Variants in CNTNAP5 observed in about 807,000 individuals in gnomAD.
CNTNAP5 encodes contactin associated protein family member 5.
Under a neutral mutation model 150.2 loss-of-function variants are expected in CNTNAP5, and 72 were observed. That is an observed-to-expected ratio of 0.48 (90% CI 0.40 to 0.58). CNTNAP5 has a LOEUF of 0.58. Ranked by LOEUF, CNTNAP5 falls within the 20% of genes least tolerant of loss-of-function variation. The pLI, the probability that CNTNAP5 is intolerant of heterozygous loss-of-function variation, is 0.00. For synonymous variants in CNTNAP5, 672 were observed against 619.8 expected, an observed-to-expected ratio of 1.08 and a Z score of -1.25; for missense variants, 1,636 against 1,626.2, an observed-to-expected ratio of 1.01 and a Z score of -0.10.
chr2:124,611,699 A>G (rs1038448084), intron 12 of CNTNAP5, among the ~76,000 whole-genome samples: 2 of 152,204 alleles, frequency 1.3e-5, no homozygotes, highest in African/African-American at 4.8e-5. Flanking sequence ...TCTGATGCAA[A>G]TTGTCCCTGT....
intron 11 of CNTNAP5, among the ~76,000 whole-genome samples, chr2:124,568,583 A>G (rs11892163): frequency 0.56 from 84,415 of 152,066 alleles, 24,526 homozygotes; most frequent in Non-Finnish European, 0.62. Context: ...AATAACTCCA[A>G]ATTATTTTAA....
chr2:124,757,045 A>G lies in CNTNAP5; in HGVS notation c.2235-6627A>G, dbSNP rs1051427850. On this transcript the variant is annotated intron_variant, in intron 14 of 23. Transcript: ENST00000682447. ...ATGCCAGCACAAATTTCATTCAACC[A>G]CCAAACTTCGAGTGGAGTAAGGAAA... is the stretch of plus-strand genomic sequence containing the variant. Among the ~76,000 whole-genome samples, 6 of 152,338 alleles carry G rather than the reference A, an allele frequency of 3.9e-5. No homozygotes were observed. The South Asian group carries it at 6.2e-4, about 16-fold the overall frequency.
At chr2:124,382,739 A>G (rs927626140) in intron 3 of CNTNAP5, among the ~76,000 whole-genome samples, 3 of 152,122 alleles carry the variant, frequency 2.0e-5, no homozygotes, top group Non-Finnish European at 4.4e-5. Flanking sequence ...AGGCACTTAA[A>G]ATATTTTCCT....
intron 3 of CNTNAP5, among the ~76,000 whole-genome samples, chr2:124,372,046 C>G (rs938442548): frequency 6.6e-6 from 1 of 152,098 alleles, no homozygotes; most frequent in East Asian, 1.9e-4. Context: ...CACCCTAAAC[C>G]TGGATGGGCA....
At chr2:124,179,692 A>G (rs1196224436) in intron 1 of CNTNAP5, among the ~76,000 whole-genome samples, 1 of 152,220 alleles carries the variant, frequency 6.6e-6, no homozygotes, top group Non-Finnish European at 1.5e-5. Context: ...TGCAAGTTGC[A>G]CGGCATGGAA....
intron 13 of CNTNAP5, among the ~76,000 whole-genome samples, chr2:124,693,814 AAAC>A (rs1286680385): frequency 2.7e-5 from 4 of 150,586 alleles, no homozygotes; most frequent in African/African-American, 9.8e-5. Flanking sequence ...ACAAAAGAAA[AAAC>A]AAAAGAAAGC....
intron 18 of CNTNAP5, 89 bp from the exon 19 acceptor site, chr2:124,798,007 G>A (rs1220371607): frequency 3.3e-6 from 3 of 901,494 alleles, no homozygotes; most frequent in Non-Finnish European, 5.3e-6. Context: ...ACAGTGCCCA[G>A]TGCATAGGAA....
intron 12 of CNTNAP5, among the ~76,000 whole-genome samples, chr2:124,625,306 T>C (rs931571077): frequency 6.6e-6 from 1 of 152,172 alleles, no homozygotes; most frequent in African/African-American, 2.4e-5. Flanking sequence ...CTGAGTATCA[T>C]ATGGAAATTA....
chr2:124,597,126 C>T (rs1197209764), intron 11 of CNTNAP5, among the ~76,000 whole-genome samples: 1 of 150,122 alleles, frequency 6.7e-6, no homozygotes, highest in Non-Finnish European at 1.5e-5. Flanking sequence ...TTAATTGGAG[C>T]ATTTAGTCCA....
At chr2:124,178,312 G>T (rs143141671) in intron 1 of CNTNAP5, among the ~76,000 whole-genome samples, 40 of 152,238 alleles carry the variant, frequency 2.6e-4, no homozygotes, top group African/African-American at 9.1e-4. Flanking sequence ...CATCCGCTAG[G>T]CTATAAAATC....
At chr2:124,194,867 A>G (rs903175833) in intron 1 of CNTNAP5, among the ~76,000 whole-genome samples, 1 of 151,970 alleles carries the variant, frequency 6.6e-6, no homozygotes, top group African/African-American at 2.4e-5. Context: ...TATTGGACAC[A>G]ATGGTAAAAA....
At chr2:124,332,588 G>T (rs1012496880) in intron 3 of CNTNAP5, among the ~76,000 whole-genome samples, 1 of 151,394 alleles carries the variant, frequency 6.6e-6, no homozygotes, top group African/African-American at 2.4e-5. Flanking sequence ...ATCTTACTTG[G>T]AAATGACCTA....
At chr2:124,771,836 C>G (rs992341738) in intron 16 of CNTNAP5, among the ~76,000 whole-genome samples, 1 of 151,004 alleles carries the variant, frequency 6.6e-6, no homozygotes, top group Non-Finnish European at 1.5e-5. Context: ...GCCACCACCA[C>G]TATCAACACC....
chr2:124,829,871 T>C (rs78484148), intron 19 of CNTNAP5, among the ~76,000 whole-genome samples: 2,314 of 151,978 alleles, frequency 0.015, 49 homozygotes, highest in African/African-American at 0.054. Context: ...TATACTAAGA[T>C]AATTAGAATC....
At chr2:124,751,373 A>T (rs1680724850) in intron 14 of CNTNAP5, among the ~76,000 whole-genome samples, 1 of 152,226 alleles carries the variant, frequency 6.6e-6, no homozygotes, top group South Asian at 2.1e-4. Flanking sequence ...GGTCAAATTC[A>T]GGTTATGAAG....
intron 1 of CNTNAP5, among the ~76,000 whole-genome samples, chr2:124,179,646 T>C (rs1475082621): frequency 6.6e-6 from 1 of 152,208 alleles, no homozygotes; most frequent in Non-Finnish European, 1.5e-5. Context: ...TCATTCAAGA[T>C]GAAAATGCTT....
chr2:124,172,471 G>A (rs948005152), intron 1 of CNTNAP5, among the ~76,000 whole-genome samples: 2 of 151,892 alleles, frequency 1.3e-5, no homozygotes, highest in African/African-American at 4.8e-5. Flanking sequence ...AGAATGCATT[G>A]GCCGAGTCTG....
At chr2:124,489,664 A>AT (rs1445317151) in intron 7 of CNTNAP5, among the ~76,000 whole-genome samples, 1 of 152,068 alleles carries the variant, frequency 6.6e-6, no homozygotes, top group Non-Finnish European at 1.5e-5. Context: ...AAAATATAGG[A>AT]TTTTCAGCTC....
chr2:124,677,184 T>G (rs577743545), intron 13 of CNTNAP5, among the ~76,000 whole-genome samples: 1 of 152,288 alleles, frequency 6.6e-6, no homozygotes, highest in Admixed American at 6.5e-5. Context: ...CTCACTGACT[T>G]CAGGAGTGAA....
Sources: gnomAD v4.1 joint callset for allele counts (sites outside exome capture counted in the v4.1 genomes callset) on GRCh38, gnomAD v4.1.1 for gene constraint, MANE v1.5 for transcripts, NCBI Gene and HGNC (gene_info 2026-07-23, HGNC 2026-07-21) for gene names.